Variants in RNF2 observed in about 807,000 individuals in gnomAD.
The protein encoded by RNF2 is E3 ubiquitin-protein ligase RING2.
A neutral mutation model predicts 37.2 loss-of-function variants in RNF2; 6 were observed. The ratio of observed to expected loss-of-function variants is 0.16; its 90% CI spans 0.09 to 0.32. The LOEUF is 0.32. Among genes scored for constraint, RNF2 ranks in the 10% least tolerant of loss-of-function variants. The probability of loss-of-function intolerance (pLI) is 1.00; values close to 1 mark genes in which losing one functional copy is unlikely to be tolerated. For synonymous variants in RNF2, 133 were observed against 132.7 expected (o/e 1.00, Z -0.02); for missense variants, 251 against 404.0 (o/e 0.62, Z 3.25).
intron 2 of RNF2, among the ~76,000 whole-genome samples, chr1:185,090,462 A>G (rs1192735820): frequency 1.3e-5 from 2 of 152,212 alleles, no homozygotes; most frequent in Non-Finnish European, 2.9e-5. Context: ...GTGTTAAACT[A>G]AGGGAAAAAT....
chr1:185,094,615 A>G (rs1226759275), intron 4 of RNF2, among the ~76,000 whole-genome samples: 2 of 152,164 alleles, frequency 1.3e-5, no homozygotes, highest in Non-Finnish European at 2.9e-5. Flanking sequence ...TTACTCCCAC[A>G]TAGTCTATTC....
intron 1 of RNF2, among the ~76,000 whole-genome samples, chr1:185,066,414 G>A (rs1004705564): frequency 1.3e-5 from 2 of 151,980 alleles, no homozygotes; most frequent in African/African-American, 4.8e-5. Context: ...TTCTTTCCTC[G>A]CTTGGTTAAC....
rs1279789372 is a variant in RNF2, at chr1:185,061,118, TTCTC to T, written c.-3+15477_-3+15480del. ...TCTGGGTGCTGGAGTGAGACCCTAT[TTCTC>T]TCTCTCTTTTTTTTTTTTTTTTTGA... On this transcript the variant is annotated intron_variant, in intron 1 of 6. Coordinates refer to ENST00000367510, the MANE Select transcript of RNF2 (RefSeq NM_007212.4). Among the ~76,000 whole-genome samples, 7 of 143,642 alleles carry T rather than the reference TTCTC, an allele frequency of 4.9e-5. No homozygotes were observed. The East Asian group carries it at 1.2e-3, about 25-fold the overall frequency. The allele number at this position is 143,642 out of a possible 152,430, so 94.2% of individuals were successfully genotyped here. A position where few individuals can be genotyped will look rare whatever the true frequency, so the allele number is the denominator to read the frequency against.
intron 1 of RNF2, among the ~76,000 whole-genome samples, chr1:185,048,856 A>G (rs370878139): frequency 7.2e-5 from 11 of 152,004 alleles, no homozygotes; most frequent in Non-Finnish European, 1.5e-5. Context: ...AACACATTGC[A>G]GTTTCTTGGT....
At chr1:185,062,816 C>T (rs936264778) in intron 1 of RNF2, among the ~76,000 whole-genome samples, 2 of 149,664 alleles carry the variant, frequency 1.3e-5, no homozygotes, top group Admixed American at 6.7e-5. Context: ...GACCTCCCCC[C>T]CCCCAAAAAA....
intron 2 of RNF2, among the ~76,000 whole-genome samples, chr1:185,091,123 T>C (rs987565511): frequency 6.6e-6 from 1 of 152,206 alleles, no homozygotes; most frequent in African/African-American, 2.4e-5. Context: ...TGAAACATAA[T>C]TTATTGTGAA....
chr1:185,052,537 G>C (rs993245198), intron 1 of RNF2, among the ~76,000 whole-genome samples: 3 of 152,196 alleles, frequency 2.0e-5, no homozygotes, highest in Non-Finnish European at 4.4e-5. Context: ...ATTGGTGGTT[G>C]CCAGAGGTTT....
chr1:185,080,000 C>T (rs75898672), intron 1 of RNF2, among the ~76,000 whole-genome samples: 2,003 of 152,090 alleles, frequency 0.013, 48 homozygotes, highest in African/African-American at 0.046. Context: ...CCCAGTAGAC[C>T]TAGATCTTGT....
At chr1:185,061,159 G>T (rs981584782) in intron 1 of RNF2, among the ~76,000 whole-genome samples, 1 of 138,836 alleles carries the variant, frequency 7.2e-6, no homozygotes, top group Non-Finnish European at 1.5e-5. Flanking sequence ...ACGGAATCTC[G>T]CTCTGACGCC....
intron 4 of RNF2, among the ~76,000 whole-genome samples, chr1:185,094,890 T>C (rs1651868978): frequency 6.6e-6 from 1 of 152,216 alleles, no homozygotes; most frequent in Non-Finnish European, 1.5e-5. Context: ...CTCAGTCTAG[T>C]GGTTTTCACC....
intron 1 of RNF2, among the ~76,000 whole-genome samples, chr1:185,062,694 T>G (rs918283335): frequency 3.3e-5 from 5 of 151,842 alleles, no homozygotes; most frequent in African/African-American, 9.7e-5. Context: ...AGCAGCAAAC[T>G]GGGGAAAATT....
At position 185,050,253 on chromosome 1, in the gene RNF2, G is replaced by A. The variant is rs931240357; in HGVS notation, c.-3+4604G>A. 5.3e-5 allele frequency among the ~76,000 whole-genome samples: 8 copies of A among 152,246 alleles called. 1 individual carries two copies. The highest frequency in any genetic ancestry group is 5.2e-4 in the Admixed American group (8 of 15,284). On this transcript the variant is annotated intron_variant, in intron 1 of 6. Coordinates refer to ENST00000367510, the MANE Select transcript of RNF2 (RefSeq NM_007212.4). ...TGTCCTTGAGGAATTTATAGTGTAAGTGGCAATGACAAACTACTGTACAGT... is the reference window on the plus strand; with the variant it reads ...TGTCCTTGAGGAATTTATAGTGTAAATGGCAATGACAAACTACTGTACAGT...
At chr1:185,081,793 T>G (rs1447719666) in intron 1 of RNF2, among the ~76,000 whole-genome samples, 2 of 152,120 alleles carry the variant, frequency 1.3e-5, no homozygotes, top group Non-Finnish European at 2.9e-5. Flanking sequence ...TGTTGATCAG[T>G]GCCAGCCGTG....
Position 185,089,988 on chromosome 1 carries a change from C to G in RNF2, c.88-1591C>G, listed in dbSNP as rs145512210. On this transcript the variant is annotated intron_variant, in intron 2 of 6. Transcript: ENST00000367510. ...CTAGGCTGGCATGCAGTGGCGTGAT[C>G]GCGGCTCACTGCAACCTCTACCTCC... Among the ~76,000 whole-genome samples, 492 of 152,122 alleles carry G rather than the reference C, an allele frequency of 3.2e-3. 4 individuals are homozygous for G. Among genetic ancestry groups the G allele is most frequent in the African/African-American group, 0.011 (471 of 41,516 alleles).
At chr1:185,065,872 T>A (rs1650783407) in intron 1 of RNF2, among the ~76,000 whole-genome samples, 1 of 152,212 alleles carries the variant, frequency 6.6e-6, no homozygotes, top group Non-Finnish European at 1.5e-5. Flanking sequence ...TTTCCTTTTT[T>A]TCCCCCCTAC....
intron 1 of RNF2, among the ~76,000 whole-genome samples, chr1:185,054,705 AT>A (rs1650381188): frequency 6.6e-6 from 1 of 151,630 alleles, no homozygotes; most frequent in Non-Finnish European, 1.5e-5. Flanking sequence ...ATTTTTTATT[AT>A]TTTTTTCAGT....
intron 1 of RNF2, among the ~76,000 whole-genome samples, chr1:185,068,508 C>T (rs1571304438): frequency 6.6e-6 from 1 of 152,272 alleles, no homozygotes; most frequent in Middle Eastern, 3.4e-3. Context: ...AGCAGTGTGA[C>T]CACAGAGGCA....
At position 185,075,402 on chromosome 1, in the gene RNF2, T is replaced by C. The variant is rs1651117355; in HGVS notation, c.-2-12150T>C. ...TTATGCGAAATACTGTAATTATGCC[T>C]TAACTGCCAAATTGTTCTGTTCCCC... On this transcript the variant is annotated intron_variant, in intron 1 of 6. Transcript: ENST00000367510. Among the ~76,000 whole-genome samples the C allele has an allele frequency of 2.0e-5, 3 of 152,202 alleles. No individual in the cohort carries two copies. In the South Asian group the frequency reaches 6.2e-4, roughly 32 times the overall value.
At chr1:185,087,460 C>A in intron 1 of RNF2, 92 bp from the exon 2 acceptor site, 1 of 1,039,690 alleles carries the variant, frequency 9.6e-7, no homozygotes, top group Non-Finnish European at 1.5e-6. Flanking sequence ...GATTAGATTT[C>A]AACGTAGGAA....
Sources: gnomAD v4.1 joint callset for allele counts (sites outside exome capture counted in the v4.1 genomes callset) on GRCh38, gnomAD v4.1.1 for gene constraint, MANE v1.5 for transcripts, NCBI Gene and HGNC (gene_info 2026-07-23, HGNC 2026-07-21) for gene names.